The following PSD3 variants were observed in gnomAD, a reference collection of about 807,000 sequenced individuals.
The protein encoded by PSD3 is pleckstrin and Sec7 domain containing 3, also known as PH and SEC7 domain-containing protein 3.
PSD3 carries 49 observed loss-of-function variants against 105.5 expected under a neutral mutation model. The ratio of observed to expected loss-of-function variants is 0.46; its 90% CI spans 0.37 to 0.59. The LOEUF (loss-of-function observed/expected upper bound fraction) is 0.59, where lower values mean the gene tolerates loss of function less well. PSD3 is among the 20% of genes least tolerant of loss of function. PSD3 has a pLI of 0.00. For missense variants in PSD3, 1,561 were observed against 1,263.8 expected (o/e 1.24, Z -3.57); for synonymous variants, 557 against 457.8 (o/e 1.22, Z -2.77).
chr8:18,939,515 CT>C (rs78721400), intron 1 of PSD3, among the ~76,000 whole-genome samples: 8,388 of 138,666 alleles, frequency 0.06, 213 homozygotes, highest in Admixed American at 0.078. Flanking sequence ...AGAAACATAG[CT>C]TTTTTTTTTT....
intron 15 of PSD3, among the ~76,000 whole-genome samples, chr8:18,549,554 C>T (rs1265809949): frequency 6.6e-6 from 1 of 152,208 alleles, no homozygotes; most frequent in African/African-American, 2.4e-5. Flanking sequence ...AACTTCTCCA[C>T]TGGACTCATG....
At chr8:18,994,609 A>C (rs1825971898) in intron 1 of PSD3, among the ~76,000 whole-genome samples, 1 of 152,072 alleles carries the variant, frequency 6.6e-6, no homozygotes. Flanking sequence ...GTACAAGCAA[A>C]GAATATAAAT....
chr8:18,957,905 T>C (rs1275338366), intron 1 of PSD3, among the ~76,000 whole-genome samples: 2 of 152,178 alleles, frequency 1.3e-5, no homozygotes, highest in Non-Finnish European at 2.9e-5. Context: ...CTTCAGATAT[T>C]TGCCACAGCA....
chr8:18,669,286 C>A (rs1179726138), intron 9 of PSD3, among the ~76,000 whole-genome samples: 1 of 152,104 alleles, frequency 6.6e-6, no homozygotes, highest in East Asian at 1.9e-4. Context: ...TCCAAGGCTC[C>A]CAGTGGAACA....
chr8:18,689,169 G>T (rs760372547), intron 9 of PSD3, among the ~76,000 whole-genome samples: 4 of 152,172 alleles, frequency 2.6e-5, no homozygotes, highest in Admixed American at 1.3e-4. Flanking sequence ...GTGTCTACTA[G>T]GTACCAGATG....
At chr8:19,073,319 G>A (rs1200526761) in intron 1 of PSD3, among the ~76,000 whole-genome samples, 1 of 152,146 alleles carries the variant, frequency 6.6e-6, no homozygotes, top group African/African-American at 2.4e-5. Context: ...GGGAGGCCAA[G>A]GCGGGCGGAT....
intron 15 of PSD3, among the ~76,000 whole-genome samples, chr8:18,544,170 CCAA>C (rs1800309425): frequency 1.0e-4 from 1 of 9,616 alleles, no homozygotes; most frequent in African/African-American, 2.6e-4. Context: ...AAGAAACAAA[CCAA>C]AAAAAAAAAA....
intron 9 of PSD3, among the ~76,000 whole-genome samples, chr8:18,657,336 T>A (rs1347288032): frequency 6.6e-6 from 1 of 152,242 alleles, no homozygotes; most frequent in Non-Finnish European, 1.5e-5. Flanking sequence ...TTTATATTAT[T>A]TACGACTCAA....
At chr8:18,652,119 CTGG>C (rs747291530) in intron 10 of PSD3, among the ~76,000 whole-genome samples, 14 of 152,136 alleles carry the variant, frequency 9.2e-5, no homozygotes, top group Non-Finnish European at 1.9e-4. Context: ...GCCGGAAACG[CTGG>C]TGTCATTAAT....
At chr8:18,599,696 A>C (rs930824085) in intron 12 of PSD3, among the ~76,000 whole-genome samples, 2 of 152,122 alleles carry the variant, frequency 1.3e-5, no homozygotes, top group African/African-American at 4.8e-5. Flanking sequence ...GACTAATAAT[A>C]TGGCACTTGT....
chr8:18,946,766 G>A (rs1283401049), intron 1 of PSD3, among the ~76,000 whole-genome samples: 7 of 151,464 alleles, frequency 4.6e-5, no homozygotes, highest in African/African-American at 1.7e-4. Flanking sequence ...TTAGCTAGGT[G>A]CTGGGGGGAG....
intron 11 of PSD3, among the ~76,000 whole-genome samples, chr8:18,608,327 T>G (rs747101825): frequency 3.9e-5 from 6 of 152,216 alleles, no homozygotes; most frequent in Non-Finnish European, 7.3e-5. Flanking sequence ...TCTGTACCAG[T>G]ACACAGTCTC....
chr8:18,569,295 A>G (rs1364940300), intron 14 of PSD3, among the ~76,000 whole-genome samples: 1 of 127,902 alleles, frequency 7.8e-6, no homozygotes, highest in African/African-American at 2.9e-5. Context: ...GACTTCCACA[A>G]TGGTTGAACT....
At chr8:18,546,710 G>T (rs149473928) in intron 15 of PSD3, among the ~76,000 whole-genome samples, 349 of 152,206 alleles carry the variant, frequency 2.3e-3, no homozygotes, top group Non-Finnish European at 2.9e-3. Flanking sequence ...CAATCACCAT[G>T]TTGTACATTA....
At chr8:18,708,725 G>A (rs898367676) in intron 9 of PSD3, among the ~76,000 whole-genome samples, 3 of 152,020 alleles carry the variant, frequency 2.0e-5, no homozygotes, top group African/African-American at 7.2e-5. Flanking sequence ...CTCCTCTGTG[G>A]CTCCCACCCA....
intron 1 of PSD3, among the ~76,000 whole-genome samples, chr8:19,028,321 G>GGAAGATTGT (rs1230095508): frequency 9.4e-6 from 1 of 106,754 alleles, no homozygotes; most frequent in Non-Finnish European, 1.7e-5. Flanking sequence ...TTTTGGAGTT[G>GGAAGATTGT]GAAGATTGTG....
intron 8 of PSD3, among the ~76,000 whole-genome samples, chr8:18,777,169 T>C (rs1475643224): frequency 6.6e-6 from 1 of 151,848 alleles, no homozygotes; most frequent in Non-Finnish European, 1.5e-5. Flanking sequence ...CAGCCTCCCG[T>C]GTAGCTGGGA....
chr8:19,033,766 C>T (rs1451449755), intron 1 of PSD3, among the ~76,000 whole-genome samples: 2 of 152,020 alleles, frequency 1.3e-5, no homozygotes, highest in African/African-American at 4.8e-5. Context: ...ATGGAATTGA[C>T]ACCACAGCCC....
intron 4 of PSD3, among the ~76,000 whole-genome samples, chr8:18,853,387 C>T (rs1485246780): frequency 1.6e-4 from 25 of 152,040 alleles, no homozygotes; most frequent in Non-Finnish European, 1.2e-4. Flanking sequence ...TTCTTCAATC[C>T]CAGGCATCTT....
Sources: gnomAD v4.1 joint callset for allele counts (sites outside exome capture counted in the v4.1 genomes callset) on GRCh38, gnomAD v4.1.1 for gene constraint, MANE v1.5 for transcripts, NCBI Gene and HGNC (gene_info 2026-07-23, HGNC 2026-07-21) for gene names.